Variants in CYTH1 observed in about 807,000 individuals in gnomAD.
CYTH1 encodes the protein cytohesin-1.
A neutral mutation model predicts 61.8 loss-of-function variants in CYTH1; 18 were observed. The observed-to-expected ratio is 0.29, with a 90% CI of 0.20 to 0.43. CYTH1 has a LOEUF of 0.43. Ranked by LOEUF, CYTH1 falls within the 20% of genes least tolerant of loss-of-function variation. CYTH1 has a pLI of 1.00. For synonymous variants in CYTH1, 174 were observed against 184.3 expected, an observed-to-expected ratio of 0.94 and a Z score of 0.45; for missense variants, 336 against 510.5, an observed-to-expected ratio of 0.66 and a Z score of 3.29.
chr17:78,781,463 G>A (rs1009117954), intron 1 of CYTH1, among the ~76,000 whole-genome samples: 29 of 152,202 alleles, frequency 1.9e-4, no homozygotes, highest in African/African-American at 7.0e-4. Context: ...CAGCGGCTCC[G>A]CTTGCCAAGT....
At chr17:78,728,762 C>A (rs146280582) in intron 1 of CYTH1, among the ~76,000 whole-genome samples, 24 of 152,234 alleles carry the variant, frequency 1.6e-4, no homozygotes, top group African/African-American at 5.8e-4. Flanking sequence ...AGAAAACAAA[C>A]TCAAGAAATA....
intron 1 of CYTH1, among the ~76,000 whole-genome samples, chr17:78,711,166 G>A (rs1226445789): frequency 6.6e-6 from 1 of 151,758 alleles, no homozygotes. Context: ...GGAGGCTGAG[G>A]CAGGAGAATG....
chr17:78,710,750 G>A (rs769124481), intron 1 of CYTH1, among the ~76,000 whole-genome samples: 8 of 152,220 alleles, frequency 5.3e-5, no homozygotes, highest in Non-Finnish European at 8.8e-5. Context: ...CCTGCCTGGT[G>A]CTGAGCAGAA....
chr17:78,733,072 A>G (rs2144604146), intron 1 of CYTH1, among the ~76,000 whole-genome samples: 1 of 93,770 alleles, frequency 1.1e-5, no homozygotes, highest in Non-Finnish European at 2.0e-5. Flanking sequence ...GTGAGACTCC[A>G]TCTCAAAAAA....
intron 1 of CYTH1, among the ~76,000 whole-genome samples, chr17:78,746,653 T>C (rs765876308): frequency 2.6e-5 from 4 of 152,214 alleles, no homozygotes; most frequent in African/African-American, 7.2e-5. Flanking sequence ...AGAGTAATAA[T>C]TTGAAAGGCC....
intron 11 of CYTH1, among the ~76,000 whole-genome samples, chr17:78,688,649 A>C (rs1005914107): frequency 4.6e-5 from 7 of 152,236 alleles, no homozygotes; most frequent in African/African-American, 1.7e-4. Flanking sequence ...CAGCGCAGAC[A>C]TATTTGATGA....
At position 78,675,705 on chromosome 17, in the gene CYTH1, T is replaced by C. The variant is rs1177789160; in HGVS notation, c.*386A>G. On this transcript the variant is annotated 3_prime_UTR_variant, in exon 14 of 14. Transcript: ENST00000446868. ...ACCTTTTTCTCTTAACATATAATAA[T>C]ATATGGACACATGTATTTATGGTGC... 1 of 476,848 alleles carries C rather than the reference T, an allele frequency of 2.1e-6. No individual in the cohort carries two copies. The highest frequency in any genetic ancestry group is 2.0e-5 in the African/African-American group (1 of 50,408). 29.5% of individuals were successfully genotyped at this position (476,848 alleles called of 1,614,324 possible).
At chr17:78,764,428 T>C (rs938949037) in intron 1 of CYTH1, among the ~76,000 whole-genome samples, 7 of 151,976 alleles carry the variant, frequency 4.6e-5, no homozygotes, top group African/African-American at 1.4e-4. Context: ...CCCAGAGTGC[T>C]AGGGTTACAG....
At chr17:78,682,347 T>C (rs2092772636) in intron 11 of CYTH1, among the ~76,000 whole-genome samples, 1 of 152,214 alleles carries the variant, frequency 6.6e-6, no homozygotes, top group Non-Finnish European at 1.5e-5. Context: ...AATGCTAATT[T>C]GTATCAGGCA....
intron 1 of CYTH1, chr17:78,727,811 C>T: frequency 2.3e-6 from 1 of 443,122 alleles, no homozygotes; most frequent in Non-Finnish European, 4.8e-6. Context: ...CTATCTCCTG[C>T]CCATGCAGGG....
At chr17:78,773,628 CA>C (rs772324364) in intron 1 of CYTH1, among the ~76,000 whole-genome samples, 1,244 of 106,964 alleles carry the variant, frequency 0.012, 12 homozygotes, top group African/African-American at 0.03. Flanking sequence ...GACTCCATCT[CA>C]AAAAAAAAAA....
chr17:78,749,007 G>C (rs1335695231), intron 1 of CYTH1, among the ~76,000 whole-genome samples: 1 of 152,082 alleles, frequency 6.6e-6, no homozygotes, highest in Admixed American at 6.6e-5. Context: ...TTGCGAGAAG[G>C]GCCCAACACA....
chr17:78,710,953 T>C (rs1015110869), intron 1 of CYTH1, among the ~76,000 whole-genome samples: 1 of 152,058 alleles, frequency 6.6e-6, no homozygotes, highest in African/African-American at 2.4e-5. Context: ...CAGTTTGAGA[T>C]GTGCTGTAGG....
In CYTH1 at chr17:78,756,082, T is replaced by TA. The variant is rs199615698; in HGVS notation, c.22+26119_22+26120insT. Among the ~76,000 whole-genome samples the TA allele has an allele frequency of 0.01, 1,561 of 149,090 alleles. 49 individuals carry two copies. In the East Asian group the frequency reaches 0.11, roughly 11 times the overall value. On this transcript the variant is annotated intron_variant, in intron 1 of 13. Transcript: ENST00000446868. Reference sequence around the variant, plus strand: ...ATTTATTTATTTATTTATTTTTATTTTTTTTTTTTTTGAGACAGAGTCTTG... The same window carrying TA: ...ATTTATTTATTTATTTATTTTTATTTATTTTTTTTTTTGAGACAGAGTCTTG...
chr17:78,741,926 G>GA (rs1853430208), intron 1 of CYTH1, among the ~76,000 whole-genome samples: 1 of 152,190 alleles, frequency 6.6e-6, no homozygotes, highest in South Asian at 2.1e-4. Context: ...CCACTGTCAG[G>GA]AAAAGGAATT....
At chr17:78,736,736 G>A (rs919132804) in intron 1 of CYTH1, 4 of 416,342 alleles carry the variant, frequency 9.6e-6, no homozygotes, top group African/African-American at 6.3e-5. Context: ...TCCTTACAGC[G>A]GGACACGAAA....
At chr17:78,780,138 T>C (rs1383627812) in intron 1 of CYTH1, among the ~76,000 whole-genome samples, 11 of 152,200 alleles carry the variant, frequency 7.2e-5, no homozygotes, top group South Asian at 2.1e-4. Flanking sequence ...GCAAAACTGC[T>C]GTCGGCTTCT....
At chr17:78,741,641 G>T (rs1021701741) in intron 1 of CYTH1, among the ~76,000 whole-genome samples, 6 of 152,160 alleles carry the variant, frequency 3.9e-5, no homozygotes, top group Non-Finnish European at 8.8e-5. Flanking sequence ...CGGGGTGCGA[G>T]GGCATCATAC....
intron 1 of CYTH1, among the ~76,000 whole-genome samples, chr17:78,768,633 G>A (rs957656310): frequency 8.5e-5 from 13 of 152,090 alleles, no homozygotes; most frequent in Middle Eastern, 3.4e-3. Context: ...CACTGGTCCT[G>A]TATTTTTTCT....
Sources: allele counts gnomAD v4.1 joint callset (sites outside exome capture counted in the v4.1 genomes callset), GRCh38; gene constraint gnomAD v4.1.1; transcripts MANE v1.5; gene names NCBI Gene and HGNC (gene_info 2026-07-23, HGNC 2026-07-21).